Variants in HABP4 observed in about 807,000 individuals in gnomAD.
HABP4 encodes the protein hyaluronan binding protein 4, also known as intracellular hyaluronan-binding protein 4.
In HABP4, 32 loss-of-function variants were observed where a neutral mutation model predicts 44.1. The observed-to-expected ratio is 0.73, with a 90% CI of 0.55 to 0.97. HABP4 has a LOEUF of 0.97. HABP4 is among the 50% of genes least tolerant of loss of function. HABP4 has a pLI of 0.00. For synonymous variants in HABP4, 216 were observed against 218.0 expected, an observed-to-expected ratio of 0.99 and a Z score of 0.08; for missense variants, 503 against 561.9, an observed-to-expected ratio of 0.90 and a Z score of 1.06.
chr9:96,453,638 T>G (rs1180516779), intron 1 of HABP4, among the ~76,000 whole-genome samples: 1 of 152,222 alleles, frequency 6.6e-6, no homozygotes, highest in Non-Finnish European at 1.5e-5. Flanking sequence ...TTTCCTAGCC[T>G]TTCAGAATTA....
chr9:96,452,226 CAAAAA>C (rs74398822), intron 1 of HABP4, among the ~76,000 whole-genome samples: 3 of 109,280 alleles, frequency 2.7e-5, no homozygotes, highest in African/African-American at 1.1e-4. Flanking sequence ...GACTCCGTCA[CAAAAA>C]AAAAAAAAAA....
upstream of HABP4, chr9:96,450,143 G>A: frequency 1.1e-6 from 1 of 873,004 alleles, no homozygotes; most frequent in Non-Finnish European, 1.4e-6. This position sits in a 1 kb window ranked among gnomAD's most constrained non-coding sequence, Gnocchi z 4.8. Flanking sequence ...CCGCGGGGGC[G>A]GGCGCCGGTA....
chr9:96,473,845 A>G (rs932344317), intron 5 of HABP4, among the ~76,000 whole-genome samples: 2 of 152,206 alleles, frequency 1.3e-5, no homozygotes, highest in Non-Finnish European at 2.9e-5. Context: ...CAGCTGCCAA[A>G]AGGCAGGGTG....
chr9:96,480,257 C>G (rs949277850), intron 5 of HABP4, among the ~76,000 whole-genome samples: 3 of 152,114 alleles, frequency 2.0e-5, no homozygotes. Flanking sequence ...GTACTGTACA[C>G]CCCTCCTTGC....
intron 6 of HABP4, among the ~76,000 whole-genome samples, chr9:96,485,423 C>T (rs1832957230): frequency 1.3e-5 from 2 of 152,222 alleles, no homozygotes; most frequent in African/African-American, 4.8e-5. Flanking sequence ...GTTGGTTCAG[C>T]AGCTTTGCGC....
chr9:96,454,271 T>C (rs1832334843), intron 1 of HABP4, among the ~76,000 whole-genome samples: 1 of 152,214 alleles, frequency 6.6e-6, no homozygotes, highest in Non-Finnish European at 1.5e-5. Context: ...TCTGAAACTA[T>C]GTTAAAATAA....
chr9:96,464,534 C>T (rs1212800475), intron 2 of HABP4, among the ~76,000 whole-genome samples: 1 of 152,148 alleles, frequency 6.6e-6, no homozygotes, highest in Non-Finnish European at 1.5e-5. Context: ...AATTGGCTGC[C>T]TCTGAGAAGT....
At chr9:96,451,172 C>T (rs557545513) in intron 1 of HABP4, among the ~76,000 whole-genome samples, 22 of 152,352 alleles carry the variant, frequency 1.4e-4, no homozygotes, top group African/African-American at 5.0e-4. Context: ...GCCTTCGCCC[C>T]TTCTCCGTCC....
chr9:96,467,496 C>T (rs936476769), intron 4 of HABP4, among the ~76,000 whole-genome samples: 10 of 147,622 alleles, frequency 6.8e-5, no homozygotes, highest in African/African-American at 2.5e-4. Context: ...CTTTCTCTTT[C>T]TCTTTTTCTT....
At chr9:96,487,009 T>A (rs1832986727) in intron 6 of HABP4, among the ~76,000 whole-genome samples, 1 of 152,028 alleles carries the variant, frequency 6.6e-6, no homozygotes, top group Non-Finnish European at 1.5e-5. Flanking sequence ...CTGTTACTAT[T>A]TTTTGTGTGT....
chr9:96,450,647 GT>G lies in HABP4; in HGVS notation c.349+21del. 1 of 1,261,718 alleles carries G rather than the reference GT, an allele frequency of 7.9e-7. No individual in the cohort carries two copies. Among genetic ancestry groups the G allele is most frequent in the African/African-American group, 1.5e-5 (1 of 64,740 alleles). 78.2% of individuals were successfully genotyped at this position (1,261,718 alleles called of 1,614,324 possible). A position where few individuals can be genotyped will look rare whatever the true frequency, so the allele number is the denominator to read the frequency against. ...GCGCCGGGTACGCGGGGACAGCGGG[GT>G]TAGCGGACCACGGCTCGGCCCGCTG... On this transcript the variant is annotated intron_variant, in intron 1 of 7. Coordinates refer to ENST00000375249, the MANE Select transcript of HABP4 (RefSeq NM_014282.4). This position sits in a 1 kb window ranked among gnomAD's most constrained non-coding sequence, Gnocchi z 4.8.
At chr9:96,461,675 C>G (rs1373038360) in intron 2 of HABP4, among the ~76,000 whole-genome samples, 1 of 152,014 alleles carries the variant, frequency 6.6e-6, no homozygotes, top group Non-Finnish European at 1.5e-5. Context: ...TGCTGAAACT[C>G]TGGGTCTGTT....
chr9:96,470,117 G>C (rs555608692), intron 4 of HABP4, among the ~76,000 whole-genome samples: 1 of 152,256 alleles, frequency 6.6e-6, no homozygotes, highest in South Asian at 2.1e-4. Flanking sequence ...AGACCAGCCT[G>C]AGGAACAAAG....
At chr9:96,484,238 T>G in intron 5 of HABP4, 2 of 402,342 alleles carry the variant, frequency 5.0e-6, no homozygotes, top group Non-Finnish European at 8.8e-6. Context: ...TTTTCAAAGA[T>G]TGATTTGAAC....
intron 5 of HABP4, chr9:96,483,575 T>G (rs985731663): frequency 1.2e-4 from 19 of 152,246 alleles, no homozygotes; most frequent in African/African-American, 4.3e-4. Flanking sequence ...TCTTTATGTA[T>G]TCTAGATACA....
chr9:96,466,962 A>T (rs1406020025), intron 4 of HABP4, among the ~76,000 whole-genome samples: 1 of 141,820 alleles, frequency 7.1e-6, no homozygotes, highest in Non-Finnish European at 1.5e-5. Flanking sequence ...TTGCTCTGTC[A>T]CCCAGGCTGG....
Position 96,484,448 on chromosome 9 carries a change from A to C in HABP4, c.828-14A>C, listed in dbSNP as rs1832935291. On this transcript the variant is annotated splice_polypyrimidine_tract_variant and intron_variant, in intron 5 of 7. Coordinates refer to ENST00000375249, the MANE Select transcript of HABP4 (RefSeq NM_014282.4). ...ATCAAAAAGTATTCTTTATGATTAT[A>C]TATCTCTTTATAGAGTTCCTGAGTT... 1 of 1,241,258 alleles carries C rather than the reference A, an allele frequency of 8.1e-7. No homozygotes were observed. The highest frequency in any genetic ancestry group is 1.2e-6 in the Non-Finnish European group (1 of 858,704). 76.9% of individuals were successfully genotyped at this position (1,241,258 alleles called of 1,614,324 possible).
chr9:96,476,226 C>T (rs1028626627), intron 5 of HABP4, among the ~76,000 whole-genome samples: 6 of 151,978 alleles, frequency 3.9e-5, no homozygotes, highest in Non-Finnish European at 8.8e-5. Flanking sequence ...CTCTCTGCCT[C>T]GATATTCTTA....
At position 96,457,113 on chromosome 9, in the gene HABP4, C is replaced by T. The variant is rs543388745; in HGVS notation, c.350-1266C>T. On this transcript the variant is annotated intron_variant, in intron 1 of 7. Transcript: ENST00000375249. The stretch of plus-strand genomic sequence containing the variant: ...AGGACAGAGGAAAAGACCAGAGTCT[C>T]GGCCGGGCACGGTGGCTCACGCCTG... Among the ~76,000 whole-genome samples the T allele has an allele frequency of 4.6e-5, 7 of 151,610 alleles. No individual in the cohort carries two copies. In the South Asian group the frequency reaches 6.3e-4, roughly 14 times the overall value.
Sources: allele counts gnomAD v4.1 joint callset (sites outside exome capture counted in the v4.1 genomes callset), GRCh38; gene constraint gnomAD v4.1.1; non-coding constraint Gnocchi (gnomAD v3.1); transcripts MANE v1.5; gene names NCBI Gene and HGNC (gene_info 2026-07-23, HGNC 2026-07-21).